GASK1A: variants seen among roughly 807,000 people sequenced by gnomAD.
GASK1A encodes the protein golgi associated kinase 1A.
Under a neutral mutation model 41.2 loss-of-function variants are expected in GASK1A, and 40 were observed. That is an observed-to-expected ratio of 0.97 (90% CI 0.75 to 1.27). The LOEUF (loss-of-function observed/expected upper bound fraction) is 1.27, where lower values mean the gene tolerates loss of function less well. Among genes scored for constraint, GASK1A ranks in the 50% most tolerant of loss-of-function variants. The pLI is 0.00. For missense variants in GASK1A, 678 were observed against 745.1 expected (o/e 0.91, Z 1.05); for synonymous variants, 316 against 307.1 (o/e 1.03, Z -0.30).
At chr3:43,019,321 C>T (rs2089509724) in intron 1 of GASK1A, among the ~76,000 whole-genome samples, 1 of 152,118 alleles carries the variant, frequency 6.6e-6, no homozygotes, top group Non-Finnish European at 1.5e-5. Context: ...TTATTCTGCC[C>T]ACAGTGGAGC....
chr3:43,054,617 A>G (rs1055985001), intron 3 of GASK1A, among the ~76,000 whole-genome samples: 1 of 152,184 alleles, frequency 6.6e-6, no homozygotes, highest in African/African-American at 2.4e-5. Context: ...AGCCTAGGCC[A>G]CTGGAGAGGA....
At chr3:43,026,756 A>G (rs539985769) in intron 1 of GASK1A, among the ~76,000 whole-genome samples, 29 of 152,324 alleles carry the variant, frequency 1.9e-4, no homozygotes, top group Admixed American at 4.6e-4. Flanking sequence ...AAGGTAAGAA[A>G]CATATAAGGA....
chr3:42,988,225 C>T (rs1038665020), intron 1 of GASK1A, among the ~76,000 whole-genome samples: 23 of 152,214 alleles, frequency 1.5e-4, no homozygotes, highest in African/African-American at 4.8e-4. Flanking sequence ...AACTTCTCCT[C>T]CTGCCATGAG....
intron 2 of GASK1A, among the ~76,000 whole-genome samples, chr3:43,039,192 GTT>G (rs11364905): frequency 7.6e-6 from 1 of 132,158 alleles, no homozygotes; most frequent in Non-Finnish European, 1.6e-5. Context: ...CCACCAGGTA[GTT>G]TTTTTTTTTG....
Position 42,990,135 on chromosome 3 carries a change from C to CTGGGCAACATAGACTTTTGTCTATGT in GASK1A, c.3+10502_3+10527dup, listed in dbSNP as rs1450159766. ...CTTGGTTCAGGAGTTCAAGACCAGCCTGGGCAACATAGACTTTTGTCTATG... is the reference window on the plus strand; with the variant it reads ...CTTGGTTCAGGAGTTCAAGACCAGCCTGGGCAACATAGACTTTTGTCTATGTTGGGCAACATAGACTTTTGTCTATG... On this transcript the variant is annotated intron_variant, in intron 1 of 4. Transcript: ENST00000430121. 1.7e-4 allele frequency among the ~76,000 whole-genome samples: 26 copies of CTGGGCAACATAGACTTTTGTCTATGT among 151,332 alleles called. No homozygotes were observed. The East Asian group carries it at 5.0e-3, about 29-fold the overall frequency.
At chr3:43,020,701 G>A (rs903824181) in intron 1 of GASK1A, among the ~76,000 whole-genome samples, 11 of 152,260 alleles carry the variant, frequency 7.2e-5, no homozygotes, top group African/African-American at 2.7e-4. Flanking sequence ...TGGGCCTGGT[G>A]AGCATGGCTG....
chr3:42,993,948 A>G (rs1442231874), intron 1 of GASK1A, among the ~76,000 whole-genome samples: 2 of 152,238 alleles, frequency 1.3e-5, no homozygotes, highest in Admixed American at 6.5e-5. Context: ...TTCAATGTTA[A>G]GACTATTGTA....
intron 1 of GASK1A, among the ~76,000 whole-genome samples, chr3:43,008,435 C>T (rs2089447259): frequency 6.6e-6 from 1 of 152,224 alleles, no homozygotes; most frequent in Admixed American, 6.5e-5. Context: ...GCTCTATGCC[C>T]ACGGTTGTCA....
At chr3:43,004,373 CAGGTTAACTAGGGGATGACT>C (rs1384194446) in intron 1 of GASK1A, among the ~76,000 whole-genome samples, 1 of 152,162 alleles carries the variant, frequency 6.6e-6, no homozygotes, top group East Asian at 1.9e-4. Flanking sequence ...ATACTTCCCC[CAGGTTAACTAGGGGATGACT>C]AGGTTAACTG....
intron 1 of GASK1A, among the ~76,000 whole-genome samples, chr3:42,995,895 G>A (rs2125675352): frequency 6.6e-6 from 1 of 152,320 alleles, no homozygotes; most frequent in South Asian, 2.1e-4. Context: ...AGATCTGAGA[G>A]CAAAATGTGT....
At position 43,053,647 on chromosome 3, in the gene GASK1A, C is replaced by T. The variant is rs542480816; in HGVS notation, c.1413+4C>T. On this transcript the variant is annotated splice_donor_region_variant and intron_variant, in intron 3 of 4. Transcript: ENST00000430121. Reference sequence around the variant, plus strand: ...GCTGCGGCTGGTCCACATCCTGGTACGTCTCCTCCACACCATCCCCTTGTC... The same window carrying T: ...GCTGCGGCTGGTCCACATCCTGGTATGTCTCCTCCACACCATCCCCTTGTC... 90 of 1,551,688 alleles carry T rather than the reference C, an allele frequency of 5.8e-5. No homozygotes were observed. The highest frequency in any genetic ancestry group is 2.2e-4 in the Admixed American group (11 of 51,006).
intron 1 of GASK1A, among the ~76,000 whole-genome samples, chr3:42,995,813 A>G (rs1387474338): frequency 1.3e-5 from 2 of 152,228 alleles, no homozygotes; most frequent in African/African-American, 4.8e-5. Flanking sequence ...TTGGAAAGGT[A>G]TAGCCCAGAA....
chr3:42,988,629 C>T (rs1252311982), intron 1 of GASK1A, among the ~76,000 whole-genome samples: 21 of 152,272 alleles, frequency 1.4e-4, no homozygotes, highest in Non-Finnish European at 1.2e-4. Flanking sequence ...CTGAGCCAGG[C>T]AGGTGCCCCT....
intron 1 of GASK1A, among the ~76,000 whole-genome samples, chr3:43,005,405 G>A (rs758661297): frequency 2.0e-5 from 3 of 152,216 alleles, no homozygotes; most frequent in Non-Finnish European, 4.4e-5. Context: ...GTTGTACTGA[G>A]TAGTGTGATG....
At chr3:43,055,959 A>C in intron 4 of GASK1A, 1 of 555,684 alleles carries the variant, frequency 1.8e-6, no homozygotes, top group Non-Finnish European at 3.2e-6. Flanking sequence ...GATGGGACCC[A>C]TCTGAAAGGT....
intron 1 of GASK1A, among the ~76,000 whole-genome samples, chr3:43,017,393 G>T (rs1397156338): frequency 2.0e-5 from 3 of 150,526 alleles, no homozygotes; most frequent in Non-Finnish European, 3.0e-5. Context: ...GCAGTGGGAA[G>T]TCATGGGAAG....
intron 2 of GASK1A, among the ~76,000 whole-genome samples, chr3:43,051,633 C>T (rs2089688597): frequency 1.3e-5 from 2 of 152,138 alleles, no homozygotes; most frequent in African/African-American, 4.8e-5. Context: ...TTTGGTTAAT[C>T]TATTGTTTGT....
At chr3:43,039,169 C>G (rs1254622607) in intron 2 of GASK1A, among the ~76,000 whole-genome samples, 1 of 149,884 alleles carries the variant, frequency 6.7e-6, no homozygotes, top group East Asian at 1.9e-4. Flanking sequence ...TTTCTTGCTA[C>G]CAGCACAATC....
At chr3:43,029,840 G>A (rs902470017) in intron 1 of GASK1A, among the ~76,000 whole-genome samples, 1 of 152,174 alleles carries the variant, frequency 6.6e-6, no homozygotes, top group Non-Finnish European at 1.5e-5. Context: ...TTACGGTGCT[G>A]AGAAATGTGT....
Sources: gnomAD v4.1 joint callset for allele counts (sites outside exome capture counted in the v4.1 genomes callset) on GRCh38, gnomAD v4.1.1 for gene constraint, MANE v1.5 for transcripts, NCBI Gene and HGNC (gene_info 2026-07-23, HGNC 2026-07-21) for gene names.